The following ANXA9 variants were observed in gnomAD, a reference collection of about 807,000 sequenced individuals.
ANXA9 encodes annexin 31.
A neutral mutation model predicts 51.8 loss-of-function variants in ANXA9; 47 were observed. The observed-to-expected ratio is 0.91, with a 90% CI of 0.72 to 1.16. The LOEUF (loss-of-function observed/expected upper bound fraction) is 1.16, where lower values mean the gene tolerates loss of function less well. Among genes scored for constraint, ANXA9 ranks in the 50% most tolerant of loss-of-function variants. The pLI is 0.00. For missense variants in ANXA9, 361 were observed against 424.7 expected (o/e 0.85, Z 1.32); for synonymous variants, 154 against 168.7 (o/e 0.91, Z 0.68).
intron 2 of ANXA9, 103 bp from the exon 3 acceptor site, chr1:150,982,987 G>C (rs1671447567): frequency 1.3e-6 from 1 of 774,266 alleles, no homozygotes; most frequent in Admixed American, 2.7e-5. Flanking sequence ...GCAAGGAAAG[G>C]AACAGGTGAC....
At chr1:150,981,487 T>G (rs1671415662), upstream of ANXA9, among the ~76,000 whole-genome samples, 1 of 152,188 alleles carries the variant, frequency 6.6e-6, no homozygotes, top group African/African-American at 2.4e-5. Flanking sequence ...ACAGGGCTGT[T>G]CACCTGCTGC....
intron 9 of ANXA9, among the ~76,000 whole-genome samples, chr1:150,987,369 C>T (rs1052351901): frequency 1.8e-5 from 1 of 55,070 alleles, no homozygotes; most frequent in African/African-American, 4.7e-5. Flanking sequence ...CGCTCTCTCT[C>T]TCTCTCTCTC....
chr1:150,994,647 T>G lies in ANXA9; in HGVS notation c.923T>G (p.Ile308Ser). The change falls in exon 13 of 14, where the codon ATC becomes AGC. Residue 308 changes from isoleucine to serine, a missense_variant. Transcript: ENST00000368947. The part of the protein sequence containing the change: ...ISRCETDLLS[I>S]RAEFRKKFGK... The stretch of plus-strand genomic sequence containing the variant: ...CGATGTGAGACTGACCTTCTGAGTA[T>G]CAGAGCTGAGTTCAGGAAGAAATTT... The G allele has an allele frequency of 6.2e-7, 1 of 1,614,140 alleles. No homozygotes were observed. The highest frequency in any genetic ancestry group is 8.5e-7 in the Non-Finnish European group (1 of 1,180,008).
At chr1:150,988,491 G>A (rs888283766) in intron 12 of ANXA9, 150 bp downstream of exon 12, 25 of 977,998 alleles carry the variant, frequency 2.6e-5, no homozygotes, top group Admixed American at 1.3e-4. Flanking sequence ...GCTTACACAG[G>A]GGTGGAGGAA....
rs761180071 is a variant in ANXA9, at chr1:150,988,096, G to T, written c.703G>T (p.Asp235Tyr). Residue 235 changes from aspartate to tyrosine, a missense_variant, in exon 11 of 14, where the codon GAT becomes TAT. Coordinates refer to ENST00000368947, the MANE Select transcript of ANXA9 (RefSeq NM_003568.3). ...RNPEHLIRVF[D>Y]QYQRSTGQEL... ...CTGCCTCCTACACACACAAGTGTTTGATCAGTACCAGCGGAGCACTGGGCA... is the reference window on the plus strand; with the variant it reads ...CTGCCTCCTACACACACAAGTGTTTTATCAGTACCAGCGGAGCACTGGGCA... The T allele has an allele frequency of 6.2e-7, 1 of 1,614,166 alleles. No individual in the cohort carries two copies. The highest frequency in any genetic ancestry group is 8.5e-7 in the Non-Finnish European group (1 of 1,180,036).
intron 12 of ANXA9, among the ~76,000 whole-genome samples, chr1:150,990,711 A>G (rs1306174022): frequency 5.3e-5 from 8 of 152,250 alleles, no homozygotes; most frequent in Middle Eastern, 3.4e-3. Context: ...GCCAGGGGGT[A>G]GTGGTGAGCG....
At chr1:150,983,620 A>G (rs1202281347) in intron 4 of ANXA9, among the ~76,000 whole-genome samples, 186 bp downstream of exon 4, 3 of 152,156 alleles carry the variant, frequency 2.0e-5, no homozygotes, top group African/African-American at 7.2e-5. Flanking sequence ...GGCAAGGCTT[A>G]TTATTTCCAT....
intron 12 of ANXA9, among the ~76,000 whole-genome samples, chr1:150,990,318 GA>G (rs1262177839): frequency 6.9e-6 from 1 of 144,386 alleles, no homozygotes; most frequent in African/African-American, 2.7e-5. Flanking sequence ...CTCAAAAAAA[GA>G]AAAAAAGAAG....
At chr1:150,994,857 G>T (rs760754264) in intron 13 of ANXA9, 158 bp downstream of exon 13, 53 of 965,950 alleles carry the variant, frequency 5.5e-5, no homozygotes, top group Non-Finnish European at 6.3e-5. Flanking sequence ...ACTTTGAGAG[G>T]CTGAGGTGGG....
At chr1:150,987,727 C>CAA (rs373848570) in intron 9 of ANXA9, 145 bp from the exon 10 acceptor site, 1,222 of 537,072 alleles carry the variant, frequency 2.3e-3, no homozygotes, top group Middle Eastern at 6.2e-3. Flanking sequence ...GAGTCCTTCT[C>CAA]AAAAAAAAAA....
upstream of ANXA9, among the ~76,000 whole-genome samples, chr1:150,981,605 C>T (rs1326837859): frequency 6.6e-6 from 1 of 152,232 alleles, no homozygotes; most frequent in Non-Finnish European, 1.5e-5. Context: ...TCTAAGAAAC[C>T]AGGCAAGGGA....
Position 150,983,439 on chromosome 1 carries a change from G to T in ANXA9, c.172+5G>T. On this transcript the variant is annotated splice_donor_5th_base_variant and intron_variant, in intron 4 of 13. Transcript: ENST00000368947. ...TGAGGGCCATTACTGGCCAAGGTGA[G>T]CCCCTTTCCCCCGGCACTTGAGACT... The T allele has an allele frequency of 6.2e-7, 1 of 1,605,358 alleles. No homozygotes were observed. Among genetic ancestry groups the T allele is most frequent in the Non-Finnish European group, 8.5e-7 (1 of 1,175,750 alleles).
rs1281749032 is a variant in ANXA9 at position 150,986,362 on chromosome 1, A to G, written c.499A>G (p.Ile167Val). ...HNFQVEAVDD[I>V]TSETSGILQD... ...TTTCCAGGTGGAGGCTGTGGATGAC[A>G]TCACATCTGAGACCAGTGGCATCTT... The change falls in exon 8 of 14, where the codon ATC becomes GTC. Residue 167 changes from isoleucine to valine, a missense_variant. Physicochemically the swap from Ile to Val is conservative, Grantham distance 29. Coordinates refer to ENST00000368947, the MANE Select transcript of ANXA9 (RefSeq NM_003568.3). 1.2e-6 allele frequency: 2 copies of G among 1,614,032 alleles called. No individual in the cohort carries two copies. The highest frequency in any genetic ancestry group is 1.3e-5 in the African/African-American group (1 of 74,926).
intron 12 of ANXA9, among the ~76,000 whole-genome samples, chr1:150,991,481 C>T (rs1671697181): frequency 6.6e-6 from 1 of 151,564 alleles, no homozygotes; most frequent in Admixed American, 6.6e-5. Flanking sequence ...GTGATCCACA[C>T]GCCTCAGCCT....
chr1:150,988,155 T>C lies in ANXA9; in HGVS notation c.762T>C (p.His254=), dbSNP rs776402629. The C allele has an allele frequency of 1.9e-6, 3 of 1,614,202 alleles. No homozygotes were observed. The highest frequency in any genetic ancestry group is 3.3e-4 in the Middle Eastern group (2 of 6,062). ...AGGAGGCTGTCCAGAACCGTTTCCA[T>C]GGAGATGCTCAGGTGGCTCTGCTCG... The part of the protein sequence containing the change: ...ELEEAVQNRF[H]GDAQVALLGL... Residue 254 remains histidine, a synonymous_variant, in exon 11 of 14, where the codon CAT becomes CAC. Coordinates refer to ENST00000368947, the MANE Select transcript of ANXA9 (RefSeq NM_003568.3).
At position 150,983,376 on chromosome 1, in the gene ANXA9, C is replaced by T. The variant is rs749237090; in HGVS notation, c.114C>T (p.Phe38=). The change falls in exon 4 of 14, where the codon TTC becomes TTT. Residue 38 remains phenylalanine, a synonymous_variant. Coordinates refer to ENST00000368947, the MANE Select transcript of ANXA9 (RefSeq NM_003568.3). ...AWGTLGTLRT[F]LNFSVDKDAQ... is the part of the protein sequence containing the mutation. ...GGACCCTGGGCACCCTCAGGACCTT[C>T]TTGAACTTCAGCGTGGACAAGGATG... 1.9e-6 allele frequency: 3 copies of T among 1,614,098 alleles called. No homozygotes were observed. In the Admixed American group the frequency reaches 5.0e-5, roughly 27 times the overall value.
rs200763092 is a variant in ANXA9, at chr1:150,990,374, A to AAAT, written c.852+2033_852+2034insAAT. Among the ~76,000 whole-genome samples, 15 of 148,940 alleles carry AAAT rather than the reference A, an allele frequency of 1.0e-4. No individual in the cohort carries two copies. In the East Asian group the frequency reaches 3.0e-3, roughly 30 times the overall value. On this transcript the variant is annotated intron_variant, in intron 12 of 13. Coordinates refer to ENST00000368947, the MANE Select transcript of ANXA9 (RefSeq NM_003568.3). Reference sequence around the variant, plus strand: ...TAGGCCCATTTTTCTGAAAAAAAAAATTTTTTTTTTGAGATAGAGTCTGGC... The same window carrying AAAT: ...TAGGCCCATTTTTCTGAAAAAAAAAAAATTTTTTTTTTTGAGATAGAGTCTGGC...
At chr1:150,991,854 C>G (rs1671709279) in intron 12 of ANXA9, among the ~76,000 whole-genome samples, 1 of 151,984 alleles carries the variant, frequency 6.6e-6, no homozygotes, top group African/African-American at 2.4e-5. Context: ...GCAACCTCTG[C>G]CTCCTGGGTT....
At chr1:150,979,155 T>C (rs1671377390), upstream of ANXA9, among the ~76,000 whole-genome samples, 1 of 150,414 alleles carries the variant, frequency 6.6e-6, no homozygotes, top group African/African-American at 2.4e-5. Flanking sequence ...AATGCAGCGA[T>C]TGTGAACGCA....
Sources: gnomAD v4.1 joint callset for allele counts (sites outside exome capture counted in the v4.1 genomes callset) on GRCh38, gnomAD v4.1.1 for gene constraint, MANE v1.5 for transcripts, NCBI Gene and HGNC (gene_info 2026-07-23, HGNC 2026-07-21) for gene names.